The following DNM3 variants were observed in gnomAD, a reference collection of about 807,000 sequenced individuals.
The protein encoded by DNM3 is dynamin 3.
DNM3 carries 47 observed loss-of-function variants against 101.6 expected under a neutral mutation model. The observed-to-expected ratio is 0.46, with a 90% CI of 0.37 to 0.59. The LOEUF (loss-of-function observed/expected upper bound fraction) is 0.59, where lower values mean the gene tolerates loss of function less well. DNM3 is among the 20% of genes least tolerant of loss of function. The probability of loss-of-function intolerance (pLI) is 0.00; values close to 1 mark genes in which losing one functional copy is unlikely to be tolerated. For missense variants in DNM3, 849 were observed against 1,085.7 expected (o/e 0.78, Z 3.06); for synonymous variants, 385 against 387.9 (o/e 0.99, Z 0.09).
Position 172,410,087 on chromosome 1 carries a change from T to G in DNM3, c.*2246T>G. On this transcript the variant is annotated 3_prime_UTR_variant, in exon 21 of 21. Transcript: ENST00000627582. ...ACCTTTGTGGGTACATTTTTGTTCT[T>G]TACTCCTAAGTTATTTCTCATAGAA... The G allele has an allele frequency of 1.0e-6, 1 of 985,436 alleles. No homozygotes were observed. The highest frequency in any genetic ancestry group is 1.2e-6 in the Non-Finnish European group (1 of 829,892). The allele number at this position is 985,436 out of a possible 1,614,324, so 61.0% of individuals were successfully genotyped here.
chr1:172,195,016 T>C (rs367714087), intron 14 of DNM3, among the ~76,000 whole-genome samples: 9 of 152,192 alleles, frequency 5.9e-5, no homozygotes, highest in Non-Finnish European at 1.3e-4. Flanking sequence ...TTCCTTTCCA[T>C]GTTTAGTGCT....
intron 14 of DNM3, among the ~76,000 whole-genome samples, chr1:172,210,612 A>G (rs141901359): frequency 3.5e-3 from 527 of 152,248 alleles, no homozygotes; most frequent in African/African-American, 0.012. Flanking sequence ...GAACAAATCA[A>G]AAAGCCTATA....
At chr1:172,006,566 T>G (rs528141816) in intron 4 of DNM3, among the ~76,000 whole-genome samples, 42 of 152,210 alleles carry the variant, frequency 2.8e-4, no homozygotes, top group African/African-American at 9.6e-4. Flanking sequence ...TGATTTTTCC[T>G]AGACACAGAT....
intron 11 of DNM3, among the ~76,000 whole-genome samples, chr1:172,077,490 C>T (rs956365199): frequency 2.0e-5 from 3 of 152,176 alleles, no homozygotes; most frequent in Non-Finnish European, 2.9e-5. Context: ...TTAACTGTGT[C>T]GCAGAGATTC....
intron 13 of DNM3, among the ~76,000 whole-genome samples, chr1:172,130,825 A>G (rs565484136): frequency 3.8e-4 from 58 of 152,296 alleles, no homozygotes; most frequent in African/African-American, 1.2e-3. Context: ...TGGAGAGTCT[A>G]TTGTTCATCC....
Position 172,076,088 on chromosome 1 carries a change from A to T in DNM3, c.1423-5744A>T, listed in dbSNP as rs138016119. On this transcript the variant is annotated intron_variant, in intron 11 of 20. Coordinates refer to ENST00000627582, the MANE Select transcript of DNM3 (RefSeq NM_015569.5). ...TCTCTTTGTAGCAATTGCTAATGGG[A>T]GTTCGCTCATGATTTGGCTTTCTGT... 1.9e-3 allele frequency among the ~76,000 whole-genome samples: 296 copies of T among 152,200 alleles called. 2 individuals carry two copies. The highest frequency in any genetic ancestry group is 6.9e-3 in the African/African-American group (286 of 41,510).
chr1:171,888,744 A>G (rs1056292306), intron 1 of DNM3, among the ~76,000 whole-genome samples: 15 of 152,320 alleles, frequency 9.8e-5, no homozygotes, highest in Admixed American at 7.8e-4. Context: ...TTGCAATTCT[A>G]TATCTTGAAA....
At chr1:172,006,820 C>T (rs1432428911) in intron 4 of DNM3, among the ~76,000 whole-genome samples, 1 of 152,024 alleles carries the variant, frequency 6.6e-6, no homozygotes, top group Non-Finnish European at 1.5e-5. Flanking sequence ...ATTCTAGTAT[C>T]CAACTCCTGG....
intron 14 of DNM3, among the ~76,000 whole-genome samples, chr1:172,193,647 T>G (rs1156851590): frequency 6.6e-6 from 1 of 152,162 alleles, no homozygotes; most frequent in Non-Finnish European, 1.5e-5. Flanking sequence ...TTTATTTGCG[T>G]AGAGGTGTTT....
At chr1:172,051,052 C>G (rs776866727) in intron 10 of DNM3, among the ~76,000 whole-genome samples, 3 of 152,114 alleles carry the variant, frequency 2.0e-5, no homozygotes, top group South Asian at 4.1e-4. Flanking sequence ...TTACTATCTT[C>G]TCAAAACATT....
chr1:172,399,064 A>G (rs555223608), intron 20 of DNM3, among the ~76,000 whole-genome samples: 44 of 151,904 alleles, frequency 2.9e-4, no homozygotes, highest in Admixed American at 1.6e-3. Context: ...AAATTCATAT[A>G]CTCCTCACTG....
At chr1:172,029,335 A>G (rs2125787176) in intron 4 of DNM3, among the ~76,000 whole-genome samples, 1 of 129,522 alleles carries the variant, frequency 7.7e-6, no homozygotes, top group South Asian at 2.4e-4. Context: ...TAGATGCAGA[A>G]AGGCCTACAA....
rs1157483713 is a variant in DNM3, at chr1:172,098,510, G to A, written c.1545+5635G>A. ...TCTACAAACAATTTGTGCAGTTAAC[G>A]CAATCATCACAGGGTCCTGAGGTGA... On this transcript the variant is annotated intron_variant, in intron 13 of 20. Transcript: ENST00000627582. 6.6e-5 allele frequency among the ~76,000 whole-genome samples: 10 copies of A among 152,200 alleles called. No individual in the cohort carries two copies. The East Asian group carries it at 1.4e-3, about 21-fold the overall frequency.
intron 14 of DNM3, among the ~76,000 whole-genome samples, chr1:172,159,787 A>G (rs1384241431): frequency 6.6e-6 from 1 of 152,124 alleles, no homozygotes; most frequent in Non-Finnish European, 1.5e-5. Context: ...TGTGAATTAC[A>G]GTCATGCATC....
At chr1:172,252,619 A>G (rs1487711574) in intron 14 of DNM3, among the ~76,000 whole-genome samples, 3 of 152,280 alleles carry the variant, frequency 2.0e-5, no homozygotes, top group Admixed American at 6.6e-5. Context: ...ACAGAGGACC[A>G]TGGTTAACAA....
At chr1:171,984,194 C>T (rs965614860) in intron 2 of DNM3, among the ~76,000 whole-genome samples, 1 of 152,152 alleles carries the variant, frequency 6.6e-6, no homozygotes, top group Non-Finnish European at 1.5e-5. Context: ...CAATAGTAAG[C>T]TTCCTTTCTT....
chr1:172,258,251 G>A (rs967179496), intron 15 of DNM3, among the ~76,000 whole-genome samples: 6 of 151,868 alleles, frequency 4.0e-5, no homozygotes, highest in South Asian at 2.1e-4. Flanking sequence ...ACATGGGAGC[G>A]CGTGTGTCTC....
At chr1:171,922,159 AT>A (rs2040230283) in intron 2 of DNM3, among the ~76,000 whole-genome samples, 7 of 134,622 alleles carry the variant, frequency 5.2e-5, no homozygotes. Context: ...GTGTGTGCGT[AT>A]GTGTGCATGC....
At chr1:172,321,668 C>G (rs1573462332) in intron 16 of DNM3, among the ~76,000 whole-genome samples, 1 of 152,296 alleles carries the variant, frequency 6.6e-6, no homozygotes, top group East Asian at 1.9e-4. Context: ...ACAGAACCAT[C>G]TGCCATCGAG....
Sources: gnomAD v4.1 joint callset for allele counts (sites outside exome capture counted in the v4.1 genomes callset) on GRCh38, gnomAD v4.1.1 for gene constraint, MANE v1.5 for transcripts, NCBI Gene and HGNC (gene_info 2026-07-23, HGNC 2026-07-21) for gene names.